RPS6KC1: variants seen among roughly 807,000 people sequenced by gnomAD.
RPS6KC1 encodes the protein inactive ribosomal protein S6 kinase delta-1.
Under a neutral mutation model 103.8 loss-of-function variants are expected in RPS6KC1, and 54 were observed. That is an observed-to-expected ratio of 0.52 (90% confidence interval 0.42 to 0.65). RPS6KC1 has a LOEUF of 0.65. Among genes scored for constraint, RPS6KC1 ranks in the 30% least tolerant of loss-of-function variants. The probability of loss-of-function intolerance (pLI) is 0.00; values close to 1 mark genes in which losing one functional copy is unlikely to be tolerated. For synonymous variants in RPS6KC1, 439 were observed against 438.7 expected (o/e 1.00, Z -0.01); for missense variants, 1,151 against 1,253.8 (o/e 0.92, Z 1.24).
chr1:213,347,953 C>T, the RPS6KC1 span, among the ~76,000 whole-genome samples: 1 of 152,040 alleles, frequency 6.6e-6, no homozygotes, highest in Admixed American at 6.6e-5. Flanking sequence ...AACATCAATG[C>T]AGAGACCCTG....
chr1:213,121,392 TG>T (rs1262243572), intron 5 of RPS6KC1, among the ~76,000 whole-genome samples: 1 of 152,252 alleles, frequency 6.6e-6, no homozygotes, highest in Non-Finnish European at 1.5e-5. Context: ...AACAAAATAT[TG>T]TTTTACATTT....
the RPS6KC1 span, among the ~76,000 whole-genome samples, chr1:213,291,260 A>G: frequency 6.6e-5 from 10 of 152,178 alleles, no homozygotes; most frequent in East Asian, 1.9e-3. Flanking sequence ...ATTCCTTCCA[A>G]CTTCTTTGTG....
chr1:213,706,621 C>T, the RPS6KC1 span, among the ~76,000 whole-genome samples: 2 of 152,126 alleles, frequency 1.3e-5, no homozygotes, highest in Admixed American at 6.5e-5. Context: ...CATATGTATA[C>T]ATGTGCCAGG....
At chr1:213,151,835 C>G (rs1437742912) in intron 6 of RPS6KC1, among the ~76,000 whole-genome samples, 1 of 128,550 alleles carries the variant, frequency 7.8e-6, no homozygotes, top group Non-Finnish European at 1.7e-5. Flanking sequence ...AGGGGCTGAC[C>G]CCCCCACCTC....
chr1:213,847,728 T>C, the RPS6KC1 span, among the ~76,000 whole-genome samples: 1 of 152,154 alleles, frequency 6.6e-6, no homozygotes, highest in Non-Finnish European at 1.5e-5. Flanking sequence ...TGGTACCCCC[T>C]ACTTTCCTCA....
chr1:213,838,801 AT>A, the RPS6KC1 span, among the ~76,000 whole-genome samples: 3 of 152,132 alleles, frequency 2.0e-5, no homozygotes, highest in Admixed American at 1.3e-4. Flanking sequence ...AGACTTGCTC[AT>A]TTTTTTATCT....
chr1:213,105,513 TTTA>T (rs1263928129), intron 4 of RPS6KC1, among the ~76,000 whole-genome samples: 2 of 152,206 alleles, frequency 1.3e-5, no homozygotes, highest in African/African-American at 2.4e-5. Flanking sequence ...TATTTATTTA[TTTA>T]TTTTTTTCTG....
At chr1:213,781,478 C>T in the RPS6KC1 span, among the ~76,000 whole-genome samples, 2 of 152,156 alleles carry the variant, frequency 1.3e-5, no homozygotes, top group African/African-American at 4.8e-5. Context: ...GGGAGAAAGA[C>T]ACAGAAAAGC....
At chr1:213,699,302 G>C in the RPS6KC1 span, among the ~76,000 whole-genome samples, 3,291 of 152,144 alleles carry the variant, frequency 0.022, 121 homozygotes, top group African/African-American at 0.074. Flanking sequence ...AAATAAGTGA[G>C]AACATGTGAG....
the RPS6KC1 span, among the ~76,000 whole-genome samples, chr1:213,430,259 C>T: frequency 6.6e-6 from 1 of 152,188 alleles, no homozygotes; most frequent in Non-Finnish European, 1.5e-5. Flanking sequence ...GGTGAAACTG[C>T]CCATTTCCAG....
chr1:213,828,111 A>G, the RPS6KC1 span, among the ~76,000 whole-genome samples: 1 of 152,204 alleles, frequency 6.6e-6, no homozygotes, highest in Non-Finnish European at 1.5e-5. Context: ...TGTTGATGAA[A>G]TAGACTTCAG....
At chr1:213,289,463 G>A in the RPS6KC1 span, among the ~76,000 whole-genome samples, 1 of 151,984 alleles carries the variant, frequency 6.6e-6, no homozygotes, top group Non-Finnish European at 1.5e-5. Flanking sequence ...CAAGTGAAAC[G>A]GATTTATGAA....
the RPS6KC1 span, among the ~76,000 whole-genome samples, chr1:213,363,688 TTCTTTC>T: frequency 1.0e-5 from 1 of 97,224 alleles, no homozygotes; most frequent in East Asian, 2.1e-4. Flanking sequence ...CTTTCTTTCT[TTCTTTC>T]TTTCTTTCCT....
the RPS6KC1 span, among the ~76,000 whole-genome samples, chr1:213,708,178 G>A: frequency 6.6e-6 from 1 of 152,090 alleles, no homozygotes; most frequent in Non-Finnish European, 1.5e-5. Context: ...CATGAGCATG[G>A]AATTTTTTTA....
At chr1:213,269,571 A>T (rs1487837446) in intron 14 of RPS6KC1, among the ~76,000 whole-genome samples, 1 of 152,248 alleles carries the variant, frequency 6.6e-6, no homozygotes, top group East Asian at 1.9e-4. Context: ...CATACACTGT[A>T]TTCTGAATTA....
At chr1:213,448,768 CAAA>C in the RPS6KC1 span, among the ~76,000 whole-genome samples, 43 of 131,864 alleles carry the variant, frequency 3.3e-4, no homozygotes, top group Non-Finnish European at 3.6e-4. Context: ...CAATCTGTTA[CAAA>C]AAAAAAAAAA....
At chr1:213,653,447 A>C in the RPS6KC1 span, among the ~76,000 whole-genome samples, 2 of 148,554 alleles carry the variant, frequency 1.3e-5, no homozygotes, top group Non-Finnish European at 3.0e-5. Flanking sequence ...GTGACAGAGA[A>C]AGATCCTGTC....
chr1:213,123,225 G>A (rs2084603220), intron 5 of RPS6KC1, among the ~76,000 whole-genome samples: 1 of 152,084 alleles, frequency 6.6e-6, no homozygotes, highest in Admixed American at 6.6e-5. Context: ...AGAAAACTCA[G>A]CATGAGCTAC....
the RPS6KC1 span, among the ~76,000 whole-genome samples, chr1:213,445,059 ACT>A: frequency 0.044 from 6,729 of 152,084 alleles, 168 homozygotes; most frequent in African/African-American, 0.06. Context: ...ATCTGCTTTG[ACT>A]CTATATGTTT....
Sources: allele counts gnomAD v4.1 joint callset (sites outside exome capture counted in the v4.1 genomes callset), GRCh38; gene constraint gnomAD v4.1.1; transcripts MANE v1.5; gene names NCBI Gene and HGNC (gene_info 2026-07-23, HGNC 2026-07-21).